The following WDR27 variants were observed in gnomAD, a reference collection of about 807,000 sequenced individuals.
WDR27 encodes the protein WD repeat-containing protein 27.
Under a neutral mutation model 114.4 loss-of-function variants are expected in WDR27, and 100 were observed. The ratio of observed to expected loss-of-function variants is 0.87; its 90% CI spans 0.74 to 1.03. The LOEUF (loss-of-function observed/expected upper bound fraction) is 1.03. Ranked by LOEUF, WDR27 falls within the 50% of genes least tolerant of loss-of-function variation. The probability of loss-of-function intolerance (pLI) is 0.00; values close to 1 mark genes in which losing one functional copy is unlikely to be tolerated. For missense variants in WDR27, 1,129 were observed against 1,092.9 expected (o/e 1.03, Z -0.47); for synonymous variants, 449 against 423.1 (o/e 1.06, Z -0.75).
rs762502752 is a variant in WDR27, at chr6:169,613,618, G to A, written c.2262C>T (p.Asn754=). 1.4e-5 allele frequency: 22 copies of A among 1,613,758 alleles called. No individual in the cohort carries two copies. The highest frequency in any genetic ancestry group is 1.7e-5 in the Non-Finnish European group (20 of 1,179,820). The change falls in exon 22 of 26, where the codon AAC becomes AAT. Residue 754 remains asparagine (N), a synonymous_variant. Coordinates refer to ENST00000448612, the MANE Select transcript of WDR27 (RefSeq NM_182552.5). ...CGCCAATGGCCGTGGTCAGGAAAAG[G>A]TTATAAGCCTGAGGCTGTTGGGTTG... The part of the protein sequence containing the change: ...SFTTQQPQAY[N]LFLTTAIGDG...
intron 21 of WDR27, among the ~76,000 whole-genome samples, chr6:169,615,709 A>C (rs1811662080): frequency 6.6e-6 from 1 of 152,242 alleles, no homozygotes; most frequent in South Asian, 2.1e-4. Flanking sequence ...ACCGTCCTAG[A>C]CACAAGAACT....
chr6:169,643,796 G>C lies in WDR27; in HGVS notation c.1658-10C>G. 6.2e-7 allele frequency: 1 copy of C among 1,604,204 alleles called. No individual in the cohort carries two copies. The highest frequency in any genetic ancestry group is 8.5e-7 in the Non-Finnish European group (1 of 1,175,322). On this transcript the variant is annotated splice_polypyrimidine_tract_variant and intron_variant, in intron 16 of 25. Coordinates refer to ENST00000448612, the MANE Select transcript of WDR27 (RefSeq NM_182552.5). ...AGCCACTGCCCATCTCCTGTTAAAA[G>C]AATTTTAAAAAAAGACTTCTTAGAA...
intron 23 of WDR27, among the ~76,000 whole-genome samples, chr6:169,595,270 G>A (rs893316002): frequency 2.0e-5 from 3 of 152,190 alleles, no homozygotes; most frequent in Non-Finnish European, 4.4e-5. Flanking sequence ...GGCAGTTTAC[G>A]GTTTATTTTA....
chr6:169,509,354 G>C (rs1792444382), intron 25 of WDR27, among the ~76,000 whole-genome samples: 1 of 152,176 alleles, frequency 6.6e-6, no homozygotes, highest in South Asian at 2.1e-4. Context: ...AAAGCTGAAG[G>C]CATCACGCTA....
At chr6:169,634,670 A>G in intron 19 of WDR27, 145 bp from the exon 20 acceptor site, 2 of 548,838 alleles carry the variant, frequency 3.6e-6, no homozygotes, top group East Asian at 3.3e-5. Flanking sequence ...GGAAAAGTGA[A>G]TTAGCTACCT....
intron 23 of WDR27, among the ~76,000 whole-genome samples, chr6:169,589,094 G>A (rs761703026): frequency 1.3e-5 from 2 of 152,110 alleles, no homozygotes; most frequent in African/African-American, 2.4e-5. Flanking sequence ...TGCTTATTTT[G>A]CTATTTTTAA....
At chr6:169,682,165 C>T (rs1185187065) in intron 2 of WDR27, among the ~76,000 whole-genome samples, 1 of 152,156 alleles carries the variant, frequency 6.6e-6, no homozygotes, top group Non-Finnish European at 1.5e-5. Context: ...GCAGGGTCTC[C>T]CTGGGAGACA....
rs956935186 is a variant in WDR27, at chr6:169,660,765, G to A, written c.1027C>T (p.Leu343Phe). 2 of 1,612,850 alleles carry A rather than the reference G, an allele frequency of 1.2e-6. No individual in the cohort carries two copies. Among genetic ancestry groups the A allele is most frequent in the African/African-American group, 2.7e-5 (2 of 74,930 alleles). Residue 343 changes from leucine (L) to phenylalanine (F), a missense_variant and splice_region_variant, in exon 10 of 26, where the codon CTT becomes TTT. Leu to Phe is a conservative substitution (Grantham distance 22). Coordinates refer to ENST00000448612, the MANE Select transcript of WDR27 (RefSeq NM_182552.5). Reference sequence around the variant, plus strand: ...ACACATCGGGTGTTCTCAGAAGAAAGACTGATTTAAGGAAAAAAAGAAAAG... The same window carrying A: ...ACACATCGGGTGTTCTCAGAAGAAAAACTGATTTAAGGAAAAAAAGAAAAG... ...SLIPNSACGC[L>F]SSENTRCVWI...
intron 1 of WDR27, among the ~76,000 whole-genome samples, chr6:169,701,129 T>C (rs556435840): frequency 1.3e-5 from 2 of 152,268 alleles, no homozygotes; most frequent in South Asian, 4.2e-4. Flanking sequence ...TGTGTGTAAA[T>C]TGTAGAAAAT....
At chr6:169,600,555 A>T (rs941577186) in intron 23 of WDR27, among the ~76,000 whole-genome samples, 1 of 152,206 alleles carries the variant, frequency 6.6e-6, no homozygotes, top group Non-Finnish European at 1.5e-5. Flanking sequence ...CAAAGAAGTT[A>T]AAAACCTTGA....
At chr6:169,530,437 T>A (rs1390416560) in intron 25 of WDR27, among the ~76,000 whole-genome samples, 2 of 152,214 alleles carry the variant, frequency 1.3e-5, no homozygotes, top group African/African-American at 4.8e-5. Context: ...GTTCTACGTA[T>A]CAACATTTAC....
At chr6:169,530,447 C>T (rs780553056) in intron 25 of WDR27, among the ~76,000 whole-genome samples, 4 of 152,204 alleles carry the variant, frequency 2.6e-5, no homozygotes, top group Non-Finnish European at 5.9e-5. Context: ...TCAACATTTA[C>T]AAATGCTGCT....
At chr6:169,479,687 G>C (rs1047716482) in intron 25 of WDR27, among the ~76,000 whole-genome samples, 3 of 152,194 alleles carry the variant, frequency 2.0e-5, no homozygotes, top group African/African-American at 7.2e-5. Context: ...CTACTTATCA[G>C]CATTCTGTCA....
the WDR27 span, among the ~76,000 whole-genome samples, chr6:169,437,937 T>A: frequency 6.6e-6 from 1 of 152,120 alleles, no homozygotes; most frequent in East Asian, 1.9e-4. Flanking sequence ...TCAGCGGGTA[T>A]ATGTTCAGGT....
chr6:169,612,939 A>G (rs568824806), intron 22 of WDR27, among the ~76,000 whole-genome samples: 2 of 152,354 alleles, frequency 1.3e-5, no homozygotes, highest in South Asian at 2.1e-4. Context: ...AAGTTTTATT[A>G]TTGCATTCAA....
chr6:169,570,194 T>C (rs1801157398), intron 25 of WDR27, among the ~76,000 whole-genome samples: 1 of 152,184 alleles, frequency 6.6e-6, no homozygotes, highest in Non-Finnish European at 1.5e-5. Flanking sequence ...ACAGGTGCTC[T>C]TCATGGAGCA....
At chr6:169,624,735 C>T (rs192196430) in intron 21 of WDR27, among the ~76,000 whole-genome samples, 8 of 152,244 alleles carry the variant, frequency 5.3e-5, no homozygotes, top group East Asian at 1.9e-4. Context: ...CTCACCTGAC[C>T]GTCAACTAGA....
At chr6:169,434,478 T>C in the WDR27 span, among the ~76,000 whole-genome samples, 1 of 152,242 alleles carries the variant, frequency 6.6e-6, no homozygotes, top group Non-Finnish European at 1.5e-5. Flanking sequence ...TTTTGGTTAC[T>C]GTAGCCTTGT....
intron 25 of WDR27, among the ~76,000 whole-genome samples, chr6:169,502,447 C>T (rs1791418734): frequency 6.6e-6 from 1 of 152,224 alleles, no homozygotes; most frequent in Non-Finnish European, 1.5e-5. Context: ...AACTTAGTGG[C>T]TTAAAACAAC....
Sources: allele counts gnomAD v4.1 joint callset (sites outside exome capture counted in the v4.1 genomes callset), GRCh38; gene constraint gnomAD v4.1.1; transcripts MANE v1.5; gene names NCBI Gene and HGNC (gene_info 2026-07-23, HGNC 2026-07-21).